Variants in RYR1 observed in about 807,000 individuals in gnomAD.
The protein encoded by RYR1 is ryanodine receptor 1.
A neutral mutation model predicts 583.5 loss-of-function variants in RYR1; 342 were observed. That is an observed-to-expected ratio of 0.59 (90% CI 0.54 to 0.64). The LOEUF (loss-of-function observed/expected upper bound fraction) is 0.64. Among genes scored for constraint, RYR1 ranks in the 30% least tolerant of loss-of-function variants. The pLI, the probability that RYR1 is intolerant of heterozygous loss-of-function variation, is 0.00. For synonymous variants in RYR1, 2,791 were observed against 2,822.5 expected (o/e 0.99, Z 0.35); for missense variants, 6,032 against 6,917.2 (o/e 0.87, Z 4.54).
intron 77 of RYR1, 49 bp downstream of exon 77, chr19:38,532,590 G>T: frequency 6.2e-7 from 1 of 1,613,680 alleles, no homozygotes; most frequent in Non-Finnish European, 8.5e-7. Context: ...CTCCCCACCT[G>T]CAGTGCTTGT....
Position 38,451,850 on chromosome 19 carries a change from C to T in RYR1, c.1209C>T (p.Ile403=), listed in dbSNP as rs118192116. Reference sequence around the variant, plus strand: ...AGGAGTCCCAGGCCGCCCGCATGATCCACAGCACCAATGGCCTATACAACC... The same window carrying T: ...AGGAGTCCCAGGCCGCCCGCATGATTCACAGCACCAATGGCCTATACAACC... The part of the protein sequence containing the change: ...QQEESQAARM[I]HSTNGLYNQF... The change falls in exon 12 of 106, where the codon ATC becomes ATT. Residue 403 remains isoleucine (I), a synonymous_variant. Transcript: ENST00000359596. 1 of 1,614,008 alleles carries T rather than the reference C, an allele frequency of 6.2e-7. No individual in the cohort carries two copies. The highest frequency in any genetic ancestry group is 2.2e-5 in the East Asian group (1 of 44,888).
intron 27 of RYR1, among the ~76,000 whole-genome samples, chr19:38,470,031 T>C (rs1968335559): frequency 6.6e-6 from 1 of 152,150 alleles, no homozygotes; most frequent in Non-Finnish European, 1.5e-5. Flanking sequence ...CCAGATGTGG[T>C]GGCACATGCC....
Position 38,505,971 on chromosome 19 carries a change from G to A in RYR1, c.8541+25G>A, listed in dbSNP as rs1293635369. On this transcript the variant is annotated intron_variant, in intron 54 of 105. Transcript: ENST00000359596. ...GGTGAAGGCGGGGCCTGGGTGGAGG[G>A]CAGGGGCACGATGGGGGGAGGGTCT... The A allele has an allele frequency of 3.7e-6, 6 of 1,608,668 alleles. No individual in the cohort carries two copies. The African/African-American group carries it at 5.4e-5, about 14-fold the overall frequency.
intron 31 of RYR1, among the ~76,000 whole-genome samples, chr19:38,481,535 C>A (rs531443243): frequency 3.2e-4 from 48 of 152,226 alleles, no homozygotes; most frequent in African/African-American, 1.1e-3. Context: ...TTCCCAACCC[C>A]CCAGAAATGT....
At chr19:38,486,501 G>A (rs1039500295) in intron 34 of RYR1, among the ~76,000 whole-genome samples, 3 of 152,058 alleles carry the variant, frequency 2.0e-5, no homozygotes, top group Non-Finnish European at 4.4e-5. Context: ...GTGCCACCAC[G>A]CCCCGCTAAT....
chr19:38,586,449 C>T, intron 104 of RYR1, 76 bp from the exon 105 acceptor site: 1 of 1,458,464 alleles, frequency 6.9e-7, no homozygotes, highest in Admixed American at 1.7e-5. Context: ...AGCAAGACTT[C>T]CTCTCTACTA....
Position 38,457,505 on chromosome 19 carries a change from C to A in RYR1, c.1800C>A (p.Asp600Glu), listed in dbSNP as rs374489703. 6.2e-7 allele frequency: 1 copy of A among 1,614,130 alleles called. No homozygotes were observed. Among genetic ancestry groups the A allele is most frequent in the East Asian group, 2.2e-5 (1 of 44,884 alleles). The change falls in exon 17 of 106, where the codon GAC becomes GAA. Residue 600 changes from aspartate (D) to glutamate (E), a missense_variant. Coordinates refer to ENST00000359596, the MANE Select transcript of RYR1 (RefSeq NM_000540.3). ...CTGACCTTGACCTCTAGGTCCTGGA[C>A]GTGCTATGCTCCCTGTGTGTGTGTA... ...DKHGRNHKVL[D>E]VLCSLCVCNG...
At chr19:38,536,614 G>A in intron 82 of RYR1, 136 bp from the exon 83 acceptor site, 1 of 991,188 alleles carries the variant, frequency 1.0e-6, no homozygotes, top group East Asian at 2.6e-5. Flanking sequence ...CTTTCTCTCT[G>A]TGGGTTGTTC....
At chr19:38,568,331 A>G (rs953592979) in intron 93 of RYR1, among the ~76,000 whole-genome samples, 2 of 151,874 alleles carry the variant, frequency 1.3e-5, no homozygotes, top group African/African-American at 2.4e-5. Context: ...AGCTCTCCCA[A>G]TTCCTGGGGA....
rs1285864293 is a variant in RYR1, at chr19:38,565,396, G to A, written c.13062G>A (p.Ala4354=). 1.3e-5 allele frequency: 19 copies of A among 1,428,886 alleles called. No homozygotes were observed. Among genetic ancestry groups the A allele is most frequent in the Non-Finnish European group, 1.6e-5 (18 of 1,094,892 alleles). The allele number at this position is 1,428,886 out of a possible 1,614,324, so 88.5% of individuals were successfully genotyped here. The change falls in exon 91 of 106, where the codon GCG becomes GCA. Residue 4354 remains alanine, a synonymous_variant. Transcript: ENST00000359596. This position sits in a 1 kb window ranked among gnomAD's most constrained non-coding sequence, Gnocchi z 4.7. ...CTGGCGCGGGGGCGGCGGCGGGCGC[G>A]CTGGGCCTGCTCTGGGGCTCGCTGT... The part of the protein sequence containing the change: ...GAAGAGAAAG[A]LGLLWGSLFG...
In RYR1 at chr19:38,485,842, GCT is replaced by G; in HGVS notation, c.5192_5193del (p.Ser1731Ter). The G allele has an allele frequency of 6.2e-7, 1 of 1,613,770 alleles. No individual in the cohort carries two copies. Among genetic ancestry groups the G allele is most frequent in the Non-Finnish European group, 8.5e-7 (1 of 1,180,000 alleles). ...ESACRSRRSMLSEYIVPLTPE... is the reference protein window; with the variant it reads ...ESACRSRRSMXSEYIVPLTPE... ...GTGCCTGCCGCAGCCGCCGCTCCAT[GCT>G]CTCTGAATACATCGTGCCCCTCACG... On this transcript the variant is annotated frameshift_variant, in exon 34 of 106. Transcript: ENST00000359596. LOFTEE classifies it high-confidence loss of function.
chr19:38,534,288 G>T (rs895912860), intron 78 of RYR1, among the ~76,000 whole-genome samples: 2 of 152,116 alleles, frequency 1.3e-5, no homozygotes, highest in African/African-American at 4.8e-5. Context: ...TGGGATTACA[G>T]ATGTGAGCCA....
rs930978242 is a variant in RYR1 at position 38,565,597 on chromosome 19, CGAG to C, written c.13271_13273del (p.Glu4424del). On this transcript the variant is annotated inframe_deletion, in exon 91 of 106. Coordinates refer to ENST00000359596, the MANE Select transcript of RYR1 (RefSeq NM_000540.3). This position sits in a 1 kb window ranked among gnomAD's most constrained non-coding sequence, Gnocchi z 4.7. ...GAGACGCCGCGGAGGGCGCTGGAGA[CGAG>C]GAGGAGGCGGTGCACGAGGCCGGGC... 4 of 1,457,990 alleles carry C rather than the reference CGAG, an allele frequency of 2.7e-6. No individual in the cohort carries two copies. Among genetic ancestry groups the C allele is most frequent in the Admixed American group, 4.9e-5 (2 of 40,546 alleles). The allele number at this position is 1,457,990 out of a possible 1,614,324, so 90.3% of individuals were successfully genotyped here. A position where few individuals can be genotyped will look rare whatever the true frequency, so the allele number is the denominator to read the frequency against.
At chr19:38,508,775 T>C (rs1970595230) in intron 58 of RYR1, among the ~76,000 whole-genome samples, 2 of 152,194 alleles carry the variant, frequency 1.3e-5, no homozygotes, top group South Asian at 4.1e-4. Context: ...CATGCAGGGC[T>C]TTGCAAGCTG....
At chr19:38,455,805 C>A (rs1001226865) in intron 16 of RYR1, 54 bp downstream of exon 16, 2 of 1,098,382 alleles carry the variant, frequency 1.8e-6, no homozygotes, top group Admixed American at 3.4e-5. Context: ...GCTGGCCTCT[C>A]CCCAGGGCTC....
chr19:38,573,120 G>T, intron 95 of RYR1, 57 bp from the exon 96 acceptor site: 1 of 1,610,052 alleles, frequency 6.2e-7, no homozygotes, highest in Non-Finnish European at 8.5e-7. Context: ...CTTCTGCTGA[G>T]ACTATGGTCC....
At chr19:38,577,794 A>G in intron 97 of RYR1, 124 bp from the exon 98 acceptor site, 1 of 597,486 alleles carries the variant, frequency 1.7e-6, no homozygotes. Flanking sequence ...AGACTGTCTC[A>G]AAAAAAAAAA....
intron 89 of RYR1, among the ~76,000 whole-genome samples, chr19:38,559,947 A>G (rs920732409): frequency 2.0e-5 from 3 of 149,788 alleles, no homozygotes; most frequent in Non-Finnish European, 4.4e-5. Flanking sequence ...TTTGAGTCAC[A>G]TTGTAAAATG....
At position 38,514,759 on chromosome 19, in the gene RYR1, C is replaced by G. The variant is rs138967657; in HGVS notation, c.9473-267C>G. Among the ~76,000 whole-genome samples the G allele has an allele frequency of 8.4e-3, 1,276 of 152,162 alleles. 5 individuals carry two copies. Among genetic ancestry groups the G allele is most frequent in the Non-Finnish European group, 0.013 (907 of 67,998 alleles). ...TTGAGTGCCTACTGTGTGCCCCGTT[C>G]TAGTGGCTTTCCAAGTAGTAACTCA... On this transcript the variant is annotated intron_variant, in intron 63 of 105. Transcript: ENST00000359596.
Sources: gnomAD v4.1 joint callset for allele counts (sites outside exome capture counted in the v4.1 genomes callset) on GRCh38, gnomAD v4.1.1 for gene constraint, Gnocchi (gnomAD v3.1) non-coding constraint, MANE v1.5 for transcripts, NCBI Gene and HGNC (gene_info 2026-07-23, HGNC 2026-07-21) for gene names.